Variants in YWHAZ observed in about 807,000 individuals in gnomAD.
YWHAZ encodes the protein tyrosine 3-monooxygenase/tryptophan 5-monooxygenase activation protein zeta.
For synonymous variants in YWHAZ, 87 were observed against 103.6 expected (o/e 0.84, Z 0.97); for missense variants, 79 against 284.8 (o/e 0.28, Z 5.20).
At chr8:100,935,736 G>A (rs1317843894) in intron 2 of YWHAZ, among the ~76,000 whole-genome samples, 4 of 152,040 alleles carry the variant, frequency 2.6e-5, no homozygotes, top group Admixed American at 2.6e-4. Context: ...AGAAGTCAAG[G>A]GTCCTAGATT....
chr8:100,923,140 C>T (rs1204140556), intron 5 of YWHAZ: 2 of 152,100 alleles, frequency 1.3e-5, no homozygotes, highest in Admixed American at 6.6e-5. Flanking sequence ...ATTACATAGT[C>T]CCCAAGAGAA....
intron 2 of YWHAZ, among the ~76,000 whole-genome samples, chr8:100,942,686 G>A (rs1809961456): frequency 6.6e-6 from 1 of 152,148 alleles, no homozygotes; most frequent in African/African-American, 2.4e-5. Flanking sequence ...ATGGTAATTA[G>A]CAACAGTTTG....
At chr8:100,932,763 A>G (rs1813844948) in intron 2 of YWHAZ, among the ~76,000 whole-genome samples, 1 of 152,218 alleles carries the variant, frequency 6.6e-6, no homozygotes, top group East Asian at 1.9e-4. Flanking sequence ...AAATAACTGC[A>G]AGTGTTTTTC....
At chr8:100,927,555 T>C (rs1340597792) in intron 2 of YWHAZ, among the ~76,000 whole-genome samples, 1 of 152,200 alleles carries the variant, frequency 6.6e-6, no homozygotes, top group East Asian at 1.9e-4. Context: ...AATCACGTCT[T>C]TCACTTTTCG....
At chr8:100,930,590 T>C (rs1055857235) in intron 2 of YWHAZ, among the ~76,000 whole-genome samples, 2 of 152,218 alleles carry the variant, frequency 1.3e-5, no homozygotes, top group African/African-American at 2.4e-5. Flanking sequence ...TATAATCTCA[T>C]TTAGAAATCC....
chr8:100,943,811 C>T (rs982746910), intron 2 of YWHAZ, among the ~76,000 whole-genome samples: 1 of 151,890 alleles, frequency 6.6e-6, no homozygotes, highest in East Asian at 1.9e-4. Flanking sequence ...ACGGTGAAAC[C>T]CCATCTCTAC....
chr8:100,927,116 T>C (rs949129206), intron 2 of YWHAZ, among the ~76,000 whole-genome samples: 1 of 152,228 alleles, frequency 6.6e-6, no homozygotes, highest in Non-Finnish European at 1.5e-5. Context: ...TAAAATTTTA[T>C]TTCTATTATC....
rs1812809165 is a variant in YWHAZ, at chr8:100,918,436, A to ATATATATATATATATATATATATG, written c.*2256_*2257insCATATATATATATATATATATATA. 9.4e-6 allele frequency: 1 copy of ATATATATATATATATATATATATG among 106,288 alleles called. No homozygotes were observed. Among genetic ancestry groups the ATATATATATATATATATATATATG allele is most frequent in the Non-Finnish European group, 1.9e-5 (1 of 52,038 alleles). 6.6% of individuals were successfully genotyped at this position (106,288 alleles called of 1,614,324 possible). On this transcript the variant is annotated 3_prime_UTR_variant, in exon 6 of 6. Coordinates refer to ENST00000395958, the MANE Select transcript of YWHAZ (RefSeq NM_145690.3). ...TATATATATATATATATATATATAT[A>ATATATATATATATATATATATATG]TATATATAATTATTTTACCTCCTTG...
chr8:100,923,661 C>T (rs1236249503), intron 5 of YWHAZ: 2 of 210,738 alleles, frequency 9.5e-6, no homozygotes, highest in African/African-American at 4.6e-5. Flanking sequence ...GCAAGAAAAT[C>T]ATTCTTAAAG....
At chr8:100,941,775 ACTG>A (rs1218206277) in intron 2 of YWHAZ, among the ~76,000 whole-genome samples, 1 of 149,398 alleles carries the variant, frequency 6.7e-6, no homozygotes, top group East Asian at 2.0e-4. Flanking sequence ...ACAAGGTGAG[ACTG>A]CTATCTCAGA....
chr8:100,945,515 T>A (rs1480275742), intron 2 of YWHAZ, among the ~76,000 whole-genome samples: 4 of 152,132 alleles, frequency 2.6e-5, no homozygotes, highest in East Asian at 1.9e-4. Context: ...AATTAAAAAA[T>A]ATATATATCA....
At chr8:100,929,580 T>C (rs555087756) in intron 2 of YWHAZ, among the ~76,000 whole-genome samples, 143 of 152,352 alleles carry the variant, frequency 9.4e-4, no homozygotes, top group Non-Finnish European at 1.7e-3. Flanking sequence ...ATGTTAACTA[T>C]AATTTCCCTA....
chr8:100,936,009 A>T (rs1384160157), intron 2 of YWHAZ, among the ~76,000 whole-genome samples: 2 of 152,226 alleles, frequency 1.3e-5, no homozygotes, highest in African/African-American at 2.4e-5. Flanking sequence ...ACCAAACCCC[A>T]AAATTATGAA....
In YWHAZ at chr8:100,923,988, C is replaced by A. The variant is rs770302028; in HGVS notation, c.645G>T (p.Thr215=). The change falls in exon 5 of 6, where the codon ACG becomes ACT. Residue 215 remains threonine, a synonymous_variant. Coordinates refer to ENST00000395958, the MANE Select transcript of YWHAZ (RefSeq NM_145690.3). ...TGTCTCTCAGTAATTGCATTATTAGCGTGCTGTCTTTGTATGACTCTTCAC... is the reference window on the plus strand; with the variant it reads ...TGTCTCTCAGTAATTGCATTATTAGAGTGCTGTCTTTGTATGACTCTTCAC... ...TLSEESYKDS[T]LIMQLLRDNL... The A allele has an allele frequency of 1.9e-6, 3 of 1,612,572 alleles. No individual in the cohort carries two copies. The highest frequency in any genetic ancestry group is 2.5e-6 in the Non-Finnish European group (3 of 1,179,586).
rs1049113348 is a variant in YWHAZ, at chr8:100,917,000, G to A, written c.*3693C>T. 6.6e-6 allele frequency: 1 copy of A among 152,200 alleles called. No individual in the cohort carries two copies. The highest frequency in any genetic ancestry group is 1.5e-5 in the Non-Finnish European group (1 of 68,044). 9.4% of individuals were successfully genotyped at this position (152,200 alleles called of 1,614,324 possible). ...CCATAGTATTTCCTATATGGTAAAT[G>A]AGAGAATACAATCAAGCCAAATTTA... On this transcript the variant is annotated 3_prime_UTR_variant, in exon 6 of 6. Coordinates refer to ENST00000395958, the MANE Select transcript of YWHAZ (RefSeq NM_145690.3).
At chr8:100,934,272 G>A (rs1813971458) in intron 2 of YWHAZ, among the ~76,000 whole-genome samples, 1 of 150,538 alleles carries the variant, frequency 6.6e-6, no homozygotes, top group Non-Finnish European at 1.5e-5. Context: ...TGTCATGGCT[G>A]CAGTGAGTGC....
In YWHAZ at chr8:100,924,459, T is replaced by G. The variant is rs1293627169; in HGVS notation, c.419-161A>C. 5 of 654,184 alleles carry G rather than the reference T, an allele frequency of 7.6e-6. No individual in the cohort carries two copies. Among genetic ancestry groups the G allele is most frequent in the Non-Finnish European group, 1.2e-5 (5 of 402,928 alleles). 40.5% of individuals were successfully genotyped at this position (654,184 alleles called of 1,614,324 possible). On this transcript the variant is annotated intron_variant, in intron 3 of 5. Coordinates refer to ENST00000395958, the MANE Select transcript of YWHAZ (RefSeq NM_145690.3). This position sits in a 1 kb window ranked among gnomAD's most constrained non-coding sequence, Gnocchi z 5.7. ...TCCTTTTTTTTTTTTAAAGGGAGCT[T>G]TCTCCTGGTACACACTAGCCATTGA... is the stretch of plus-strand genomic sequence containing the variant.
At chr8:100,945,385 A>G (rs1810191671) in intron 2 of YWHAZ, among the ~76,000 whole-genome samples, 1 of 152,186 alleles carries the variant, frequency 6.6e-6, no homozygotes, top group South Asian at 2.1e-4. Flanking sequence ...TTTTTGTAGG[A>G]AGAAAGTTTA....
Position 100,918,414 on chromosome 8 carries a change from A to ATATATT in YWHAZ, c.*2278_*2279insAATATA, listed in dbSNP as rs1482316684. The stretch of plus-strand genomic sequence containing the variant: ...GCTATAAAATATAATTACTTTATAT[A>ATATATT]TATATATATATATATATATATATAT... On this transcript the variant is annotated 3_prime_UTR_variant, in exon 6 of 6. Transcript: ENST00000395958. The ATATATT allele has an allele frequency of 1.7e-5, 1 of 59,416 alleles. No homozygotes were observed. The highest frequency in any genetic ancestry group is 7.2e-5 in the African/African-American group (1 of 13,856). 3.7% of individuals were successfully genotyped at this position (59,416 alleles called of 1,614,324 possible).
Sources: gnomAD v4.1 joint callset for allele counts (sites outside exome capture counted in the v4.1 genomes callset) on GRCh38, gnomAD v4.1.1 for gene constraint, Gnocchi (gnomAD v3.1) non-coding constraint, MANE v1.5 for transcripts, NCBI Gene and HGNC (gene_info 2026-07-23, HGNC 2026-07-21) for gene names.